The following MRPL27 variants were observed in gnomAD, a reference collection of about 807,000 sequenced individuals.
MRPL27 encodes mitochondrial ribosomal protein L27, also known as large ribosomal subunit protein bL27m.
A neutral mutation model predicts 14.6 loss-of-function variants in MRPL27; 4 were observed. The observed-to-expected ratio is 0.27, with a 90% CI of 0.14 to 0.63. The LOEUF is 0.63. Ranked by LOEUF, MRPL27 falls within the 20% of genes least tolerant of loss-of-function variation. MRPL27 has a pLI of 0.85. For missense variants in MRPL27, 196 were observed against 192.8 expected (o/e 1.02, Z -0.10); for synonymous variants, 82 against 75.5 (o/e 1.09, Z -0.45).
chr17:50,370,003 A>C, intron 3 of MRPL27, 29 bp downstream of exon 3: 1 of 1,612,816 alleles, frequency 6.2e-7, no homozygotes, highest in African/African-American at 1.3e-5. Flanking sequence ...TAGAAAAGGA[A>C]AAAGGGGGGC....
chr17:50,372,911 G>C, intron 1 of MRPL27: 1 of 616,374 alleles, frequency 1.6e-6, no homozygotes, highest in East Asian at 2.9e-5. Flanking sequence ...GTGCTGCTGA[G>C]GCAGGAGAAA....
intron 1 of MRPL27, 152 bp downstream of exon 1, chr17:50,372,979 C>A: frequency 9.3e-7 from 1 of 1,077,852 alleles, no homozygotes; most frequent in African/African-American, 1.6e-5. Context: ...GTCACGTGAC[C>A]AGCGACACCG....
At chr17:50,369,874 T>G in intron 3 of MRPL27, 158 bp downstream of exon 3, 2 of 823,730 alleles carry the variant, frequency 2.4e-6, no homozygotes, top group Non-Finnish European at 4.0e-6. Context: ...CTTACAGGGA[T>G]GTGGTAAGGA....
At chr17:50,369,966 A>G in intron 3 of MRPL27, 66 bp downstream of exon 3, 1 of 1,541,892 alleles carries the variant, frequency 6.5e-7, no homozygotes. Flanking sequence ...TGTTATTACC[A>G]TGCTTAGGGG....
intron 3 of MRPL27, chr17:50,368,938 T>A (rs992392905): frequency 1.9e-5 from 13 of 688,024 alleles, no homozygotes; most frequent in African/African-American, 3.5e-5. Context: ...CCATATTTTT[T>A]AGCTTTTTCT....
rs1488196057 is a variant in MRPL27, at chr17:50,370,361, G to A, written c.172+94C>T. 8 of 1,580,892 alleles carry A rather than the reference G, an allele frequency of 5.1e-6. No individual in the cohort carries two copies. The East Asian group carries it at 1.1e-4, about 22-fold the overall frequency. On this transcript the variant is annotated intron_variant, in intron 2 of 3. Transcript: ENST00000225969. ...TGGAGCCAATTATGATGGTAAGGAA[G>A]AACAGGGCCAGGCACACGCAGGGTT...
In MRPL27 at chr17:50,370,567, G is replaced by A. The variant is rs16948948; in HGVS notation, c.60C>T (p.Pro20=). 12,787 of 1,614,084 alleles carry A rather than the reference G, an allele frequency of 7.9e-3. 938 individuals carry two copies. The African/African-American group carries it at 0.15, about 19-fold the overall frequency. ...TGACAGCAAGAGCTGTAGCCGGAGT[G>A]GGGCTTAGCAAGGATGTAACTGCAG... The part of the protein sequence containing the change: ...TRTAVTSLLS[P]TPATALAVRY... Residue 20 remains proline (P), a synonymous_variant, in exon 2 of 4, where the codon CCC becomes CCT. Coordinates refer to ENST00000225969, the MANE Select transcript of MRPL27 (RefSeq NM_016504.3).
At position 50,370,241 on chromosome 17, in the gene MRPL27, C is replaced by G. The variant is rs1913090969; in HGVS notation, c.173-142G>C. 6 of 1,136,778 alleles carry G rather than the reference C, an allele frequency of 5.3e-6. No individual in the cohort carries two copies. The East Asian group carries it at 1.4e-4, about 27-fold the overall frequency. 70.4% of individuals were successfully genotyped at this position (1,136,778 alleles called of 1,614,324 possible). On this transcript the variant is annotated intron_variant, in intron 2 of 3. Transcript: ENST00000225969. ...CAGTCCAACACAAGCAGCGCAGGATCTGCCACCCAGCAGCTCTTGTCTCTA... is the reference window on the plus strand; with the variant it reads ...CAGTCCAACACAAGCAGCGCAGGATGTGCCACCCAGCAGCTCTTGTCTCTA...
chr17:50,370,431 G>A, intron 2 of MRPL27, 24 bp downstream of exon 2: 2 of 1,613,974 alleles, frequency 1.2e-6, no homozygotes, highest in South Asian at 2.2e-5. Context: ...CAGCTAGGAA[G>A]GGGAAGCCAA....
intron 1 of MRPL27, 96 bp downstream of exon 1, chr17:50,373,035 G>T (rs1215663742): frequency 6.5e-7 from 1 of 1,543,182 alleles, no homozygotes; most frequent in Non-Finnish European, 8.8e-7. Flanking sequence ...CGCATCCAAG[G>T]TCCTCCGCGG....
intron 1 of MRPL27, chr17:50,371,096 G>A (rs186172190): frequency 2.1e-4 from 33 of 153,918 alleles, no homozygotes; most frequent in Non-Finnish European, 4.0e-4. Flanking sequence ...GGATTCAAGC[G>A]ATTCTCCTGC....
At chr17:50,372,255 T>TGG (rs1363281205) in intron 1 of MRPL27, among the ~76,000 whole-genome samples, 29 of 120,530 alleles carry the variant, frequency 2.4e-4, no homozygotes, top group Non-Finnish European at 3.6e-4. Flanking sequence ...CTTTTTTTTT[T>TGG]GGGGGGGGGG....
Position 50,373,135 on chromosome 17 carries a change from T to C in MRPL27, c.36A>G (p.Thr12=). The C allele has an allele frequency of 6.2e-7, 1 of 1,614,190 alleles. No homozygotes were observed. Among genetic ancestry groups the C allele is most frequent in the East Asian group, 2.2e-5 (1 of 44,882 alleles). The change falls in exon 1 of 4, where the codon ACA becomes ACG. Residue 12 remains threonine, a synonymous_variant. Transcript: ENST00000225969. ...CTGACTACTGCGTCCCATTACCGGC[T>C]GTCCGGGTCCTCAGCGCCAACACCA... ...ASVVLALRTR[T]AVTSLLSPTP...
intron 1 of MRPL27, chr17:50,372,903 GC>G: frequency 1.7e-6 from 1 of 600,782 alleles, no homozygotes. Flanking sequence ...ACCCGTCCGT[GC>G]TGCTGAGGCA....
intron 3 of MRPL27, 67 bp downstream of exon 3, chr17:50,369,965 C>T: frequency 1.3e-6 from 2 of 1,538,634 alleles, no homozygotes; most frequent in Non-Finnish European, 1.8e-6. Flanking sequence ...CTGTTATTAC[C>T]ATGCTTAGGG....
rs1159253020 is a variant in MRPL27 at position 50,369,931 on chromosome 17, T to C, written c.240+101A>G. 17 of 1,289,750 alleles carry C rather than the reference T, an allele frequency of 1.3e-5. No homozygotes were observed. In the Admixed American group the frequency reaches 1.7e-4, roughly 13 times the overall value. The allele number at this position is 1,289,750 out of a possible 1,614,324, so 79.9% of individuals were successfully genotyped here. On this transcript the variant is annotated intron_variant, in intron 3 of 3. Transcript: ENST00000225969. ...TGGGAATCAGCACAATGCTTGCCAT[T>C]TGGTAAGCACTCAATACATGCAACT...
At chr17:50,368,889 A>G in intron 3 of MRPL27, 1 of 702,270 alleles carries the variant, frequency 1.4e-6, no homozygotes, top group Non-Finnish European at 2.6e-6. Flanking sequence ...TGAAATATGA[A>G]GCAGAGAGAT....
chr17:50,368,367 A>G (rs1391606997), intron 3 of MRPL27, 69 bp from the exon 4 acceptor site: 5 of 1,512,676 alleles, frequency 3.3e-6, no homozygotes, highest in South Asian at 1.2e-5. Context: ...ATTTTGGGAC[A>G]GACTTCTCAC....
intron 1 of MRPL27, among the ~76,000 whole-genome samples, chr17:50,372,611 GACAC>G (rs956411026): frequency 2.2e-4 from 33 of 152,244 alleles, no homozygotes; most frequent in African/African-American, 7.9e-4. Context: ...TCTAAAAAAA[GACAC>G]ACACACAGAC....
Sources: allele counts gnomAD v4.1 joint callset (sites outside exome capture counted in the v4.1 genomes callset), GRCh38; gene constraint gnomAD v4.1.1; transcripts MANE v1.5; gene names NCBI Gene and HGNC (gene_info 2026-07-23, HGNC 2026-07-21).